The following HMGCLL1 variants were observed in gnomAD, a reference collection of about 807,000 sequenced individuals.
HMGCLL1 encodes the protein 3-hydroxy-3-methylglutaryl-CoA lyase like 1.
Under a neutral mutation model 39.1 loss-of-function variants are expected in HMGCLL1, and 36 were observed. The observed-to-expected ratio is 0.92, with a 90% CI of 0.71 to 1.22. The LOEUF (loss-of-function observed/expected upper bound fraction) is 1.22. Among genes scored for constraint, HMGCLL1 ranks in the 50% most tolerant of loss-of-function variants. HMGCLL1 has a pLI of 0.00. For synonymous variants in HMGCLL1, 149 were observed against 144.0 expected, an observed-to-expected ratio of 1.03 and a Z score of -0.25; for missense variants, 451 against 416.5, an observed-to-expected ratio of 1.08 and a Z score of -0.72.
At chr6:55,624,415 C>T in the HMGCLL1 span, among the ~76,000 whole-genome samples, 6 of 152,180 alleles carry the variant, frequency 3.9e-5, no homozygotes, top group Non-Finnish European at 7.3e-5. Flanking sequence ...ATCTTTTCCT[C>T]CATTCCTGTC....
At chr6:55,537,115 A>G (rs1225828939) in intron 3 of HMGCLL1, among the ~76,000 whole-genome samples, 2 of 117,928 alleles carry the variant, frequency 1.7e-5, no homozygotes. Context: ...TTCCAAAATA[A>G]GAGAGTAATA....
chr6:55,672,363 T>A, the HMGCLL1 span, among the ~76,000 whole-genome samples: 1 of 151,834 alleles, frequency 6.6e-6, no homozygotes, highest in Non-Finnish European at 1.5e-5. Context: ...GAAAATTTAT[T>A]TATTAAGCTC....
chr6:55,676,711 C>A, the HMGCLL1 span, among the ~76,000 whole-genome samples: 1 of 152,168 alleles, frequency 6.6e-6, no homozygotes, highest in Non-Finnish European at 1.5e-5. Flanking sequence ...ACAAACACTG[C>A]AATAAAACTC....
chr6:55,646,487 T>A, the HMGCLL1 span, among the ~76,000 whole-genome samples: 3 of 151,854 alleles, frequency 2.0e-5, no homozygotes, highest in African/African-American at 7.2e-5. Context: ...ATTAGGTTCT[T>A]CTTTAGTGGA....
At chr6:55,588,573 T>C in the HMGCLL1 span, among the ~76,000 whole-genome samples, 1 of 147,304 alleles carries the variant, frequency 6.8e-6, no homozygotes, top group Admixed American at 6.7e-5. Context: ...ACTGAAGGAG[T>C]TAGAGACACA....
At chr6:55,496,906 G>T (rs973241232) in intron 6 of HMGCLL1, among the ~76,000 whole-genome samples, 3 of 152,058 alleles carry the variant, frequency 2.0e-5, no homozygotes, top group African/African-American at 4.8e-5. Context: ...CTAGATTTTT[G>T]ACTGTGCATG....
At chr6:55,565,150 C>T (rs975948422) in intron 1 of HMGCLL1, among the ~76,000 whole-genome samples, 1 of 152,004 alleles carries the variant, frequency 6.6e-6, no homozygotes, top group East Asian at 1.9e-4. Context: ...TGACATTATG[C>T]AGTGAAAAAC....
rs931352026 is a variant in HMGCLL1, at chr6:55,497,499, A to G, written c.606+1737T>C. 1.2e-4 allele frequency among the ~76,000 whole-genome samples: 18 copies of G among 152,224 alleles called. No homozygotes were observed. In the East Asian group the frequency reaches 3.5e-3, roughly 29 times the overall value. On this transcript the variant is annotated intron_variant, in intron 6 of 8. Transcript: ENST00000274901. ...CAGGTGCTGTGCTAGGTCCCAGGAT[A>G]TAATGGGGAAATGAATATTGACATG...
the HMGCLL1 span, among the ~76,000 whole-genome samples, chr6:55,650,114 TA>T: frequency 1.0e-4 from 8 of 78,700 alleles, no homozygotes; most frequent in African/African-American, 2.4e-4. Context: ...TATATATATA[TA>T]TATATATATA....
chr6:55,471,190 C>T (rs12210510), intron 7 of HMGCLL1, among the ~76,000 whole-genome samples: 19,789 of 151,762 alleles, frequency 0.13, 1,594 homozygotes, highest in Non-Finnish European at 0.18. Context: ...CTTTATTCTT[C>T]GATAACTTGC....
chr6:55,467,774 T>C (rs983481240), intron 7 of HMGCLL1, among the ~76,000 whole-genome samples: 1 of 151,968 alleles, frequency 6.6e-6, no homozygotes, highest in Non-Finnish European at 1.5e-5. Flanking sequence ...ATATGCTACA[T>C]GCTAGGCCCG....
At chr6:55,437,498 A>G (rs1018436979) in intron 8 of HMGCLL1, among the ~76,000 whole-genome samples, 1 of 152,052 alleles carries the variant, frequency 6.6e-6, no homozygotes, top group Admixed American at 6.6e-5. Context: ...TACAAAATGT[A>G]TAAAAGAGGA....
chr6:55,625,841 G>T, the HMGCLL1 span, among the ~76,000 whole-genome samples: 1 of 152,174 alleles, frequency 6.6e-6, no homozygotes, highest in Non-Finnish European at 1.5e-5. Context: ...TATCTCATGT[G>T]AGTGCTCACC....
At chr6:55,609,366 T>G in the HMGCLL1 span, among the ~76,000 whole-genome samples, 1 of 152,256 alleles carries the variant, frequency 6.6e-6, no homozygotes, top group Middle Eastern at 3.4e-3. Context: ...ACTGGATAGC[T>G]TGGTCCAAAG....
intron 5 of HMGCLL1, among the ~76,000 whole-genome samples, chr6:55,501,241 A>G (rs2127427878): frequency 6.6e-6 from 1 of 152,012 alleles, no homozygotes; most frequent in South Asian, 2.1e-4. Context: ...TTAACTGTAT[A>G]CTTTAACATT....
intron 1 of HMGCLL1, among the ~76,000 whole-genome samples, chr6:55,577,340 G>A: frequency 9.8e-6 from 1 of 102,308 alleles, no homozygotes. Context: ...GCAAAGGGCT[G>A]GACTAAAAAA....
chr6:55,439,437 A>T lies in HMGCLL1; in HGVS notation c.918T>A (p.Asn306Lys), dbSNP rs756781335. ...LIYMLNGLGL[N>K]TGVNLYKVME... ...AAAATACGTTAAAGTAACTTACTGT[A>T]TTGAGCCCCAGGCCATTAAGCATAT... The change falls in exon 8 of 9, where the codon AAT becomes AAA. Residue 306 changes from asparagine to lysine, a missense_variant. Asn to Lys is a moderately conservative substitution (Grantham distance 94, BLOSUM62 0). Transcript: ENST00000274901. The T allele has an allele frequency of 2.1e-5, 34 of 1,611,322 alleles. No individual in the cohort carries two copies. The highest frequency in any genetic ancestry group is 2.9e-5 in the Non-Finnish European group (34 of 1,178,242).
At chr6:55,673,742 G>A in the HMGCLL1 span, among the ~76,000 whole-genome samples, 48 of 151,892 alleles carry the variant, frequency 3.2e-4, 1 homozygote, top group African/African-American at 1.1e-3. Flanking sequence ...TGCAACACTA[G>A]TATTAATACT....
At chr6:55,468,041 G>T (rs1172756368) in intron 7 of HMGCLL1, among the ~76,000 whole-genome samples, 1 of 151,972 alleles carries the variant, frequency 6.6e-6, no homozygotes, top group East Asian at 1.9e-4. Context: ...AAGGCCCCCA[G>T]TCCAGGGGAT....
Sources: gnomAD v4.1 joint callset for allele counts (sites outside exome capture counted in the v4.1 genomes callset) on GRCh38, gnomAD v4.1.1 for gene constraint, MANE v1.5 for transcripts, NCBI Gene and HGNC (gene_info 2026-07-23, HGNC 2026-07-21) for gene names.